The following SYT16 variants were observed in gnomAD, a reference collection of about 807,000 sequenced individuals.
The protein encoded by SYT16 is synaptotagmin-16.
A neutral mutation model predicts 61.4 loss-of-function variants in SYT16; 42 were observed. The observed-to-expected ratio is 0.68, with a 90% CI of 0.53 to 0.89. The LOEUF is 0.89. Ranked by LOEUF, SYT16 falls within the 40% of genes least tolerant of loss-of-function variation. SYT16 has a pLI of 0.00. For missense variants in SYT16, 804 were observed against 807.3 expected (o/e 1.00, Z 0.05); for synonymous variants, 314 against 302.3 (o/e 1.04, Z -0.40).
chr14:62,000,951 CAA>C (rs1257759914), intron 3 of SYT16, among the ~76,000 whole-genome samples: 1 of 151,728 alleles, frequency 6.6e-6, no homozygotes, highest in South Asian at 2.1e-4. Context: ...TAAAATAAGA[CAA>C]AAAAAGGCTG....
intron 1 of SYT16, among the ~76,000 whole-genome samples, chr14:61,968,882 G>A (rs1322499735): frequency 6.6e-6 from 1 of 152,176 alleles, no homozygotes; most frequent in Non-Finnish European, 1.5e-5. Context: ...TTCATGGTAT[G>A]TGTTGGTTTT....
At chr14:62,034,988 G>A (rs372168216) in intron 3 of SYT16, among the ~76,000 whole-genome samples, 11 of 152,280 alleles carry the variant, frequency 7.2e-5, no homozygotes, top group African/African-American at 2.4e-4. Context: ...GTCCTACCCC[G>A]AAAGCTTCTT....
intron 5 of SYT16, among the ~76,000 whole-genome samples, chr14:62,075,604 T>TA (rs376818967): frequency 0.041 from 2,500 of 61,038 alleles, 36 homozygotes; most frequent in African/African-American, 0.15. Flanking sequence ...GGATGAACGG[T>TA]AAAAAAAAAA....
intron 1 of SYT16, among the ~76,000 whole-genome samples, chr14:61,848,697 A>G (rs766787022): frequency 2.6e-5 from 4 of 152,172 alleles, no homozygotes; most frequent in South Asian, 2.1e-4. Context: ...AGGTCCAGAC[A>G]TGTTCTCTGG....
rs909286515 is a variant in SYT16 at position 61,908,565 on chromosome 14, C to T, written c.-324-61567C>T. ...GGAGAACACAGTTTTAATAAGTGGA[C>T]GGTTTTGTTTCCTAATTTTTCTTAA... On this transcript the variant is annotated intron_variant, in intron 1 of 7. Coordinates refer to ENST00000683842, the MANE Select transcript of SYT16 (RefSeq NM_001367656.1). Among the ~76,000 whole-genome samples, 11 of 152,082 alleles carry T rather than the reference C, an allele frequency of 7.2e-5. No individual in the cohort carries two copies. The South Asian group carries it at 1.2e-3, about 17-fold the overall frequency.
At chr14:62,087,171 GAGAA>G (rs1270949463) in intron 7 of SYT16, among the ~76,000 whole-genome samples, 1 of 152,234 alleles carries the variant, frequency 6.6e-6, no homozygotes, top group Non-Finnish European at 1.5e-5. Context: ...GAACAAGAGA[GAGAA>G]AGAATGAGGG....
chr14:62,064,267 AG>A (rs894879400), intron 3 of SYT16, among the ~76,000 whole-genome samples: 2 of 147,880 alleles, frequency 1.4e-5, no homozygotes, highest in Middle Eastern at 3.2e-3. Context: ...TTTAGTTGGT[AG>A]CATAGATACA....
intron 1 of SYT16, among the ~76,000 whole-genome samples, chr14:61,845,047 T>G (rs1018700545): frequency 0.054 from 7,168 of 132,594 alleles, 217 homozygotes; most frequent in Non-Finnish European, 0.07. Context: ...GACTTTTTTT[T>G]TTTTTTTTTT....
At chr14:61,952,958 C>A (rs1020142513) in intron 1 of SYT16, among the ~76,000 whole-genome samples, 2 of 152,092 alleles carry the variant, frequency 1.3e-5, no homozygotes, top group African/African-American at 4.8e-5. Flanking sequence ...GACTGAGTAT[C>A]TATGAATATT....
chr14:61,819,419 A>G (rs1291048602), intron 1 of SYT16, among the ~76,000 whole-genome samples: 3 of 152,224 alleles, frequency 2.0e-5, no homozygotes, highest in Non-Finnish European at 4.4e-5. Context: ...TCATCCTTCC[A>G]TTAAGGATTA....
At chr14:61,896,706 A>G (rs541544103) in intron 1 of SYT16, among the ~76,000 whole-genome samples, 100 of 152,352 alleles carry the variant, frequency 6.6e-4, no homozygotes, top group African/African-American at 2.2e-3. Context: ...ACCTTGTCAC[A>G]CTTTAAAAAA....
intron 1 of SYT16, among the ~76,000 whole-genome samples, chr14:61,816,815 T>G (rs999589733): frequency 4.0e-5 from 6 of 151,104 alleles, no homozygotes; most frequent in Non-Finnish European, 5.9e-5. Context: ...ATGAAGACCA[T>G]CCTGGCTAAC....
At chr14:62,012,065 T>A (rs2053491474) in intron 3 of SYT16, among the ~76,000 whole-genome samples, 1 of 151,920 alleles carries the variant, frequency 6.6e-6, no homozygotes, top group Admixed American at 6.6e-5. Flanking sequence ...TCTGTATTAG[T>A]TATCTATTCA....
intron 1 of SYT16, among the ~76,000 whole-genome samples, chr14:61,856,617 G>A (rs1482119999): frequency 6.6e-6 from 1 of 152,096 alleles, no homozygotes; most frequent in Non-Finnish European, 1.5e-5. Flanking sequence ...GATGAGTGGA[G>A]ATCAGGAATT....
intron 1 of SYT16, chr14:61,897,140 A>T (rs2048352259): frequency 6.6e-6 from 1 of 152,238 alleles, no homozygotes; most frequent in South Asian, 2.1e-4. Flanking sequence ...AACCATGCTT[A>T]CTTGTTTACG....
intron 1 of SYT16, among the ~76,000 whole-genome samples, chr14:61,927,541 A>AT (rs529114817): frequency 3.9e-5 from 6 of 152,232 alleles, no homozygotes; most frequent in African/African-American, 9.6e-5. Flanking sequence ...CAGGATGATA[A>AT]TTTTTTTTCC....
intron 1 of SYT16, among the ~76,000 whole-genome samples, chr14:61,853,183 T>A (rs936626969): frequency 1.3e-5 from 2 of 152,230 alleles, no homozygotes; most frequent in African/African-American, 4.8e-5. Flanking sequence ...CCTCCCAAAG[T>A]GCTGGGATTA....
At chr14:61,997,007 A>AGAT (rs1358002764) in intron 3 of SYT16, among the ~76,000 whole-genome samples, 1 of 152,100 alleles carries the variant, frequency 6.6e-6, no homozygotes, top group Non-Finnish European at 1.5e-5. Context: ...ACGTGATGTG[A>AGAT]GATGACAGTG....
chr14:62,013,753 C>A (rs1452781173), intron 3 of SYT16, among the ~76,000 whole-genome samples: 1 of 152,138 alleles, frequency 6.6e-6, no homozygotes, highest in Non-Finnish European at 1.5e-5. Flanking sequence ...ATCATGAGGT[C>A]AGGTGTTCAA....
Sources: gnomAD v4.1 joint callset for allele counts (sites outside exome capture counted in the v4.1 genomes callset) on GRCh38, gnomAD v4.1.1 for gene constraint, MANE v1.5 for transcripts, NCBI Gene and HGNC (gene_info 2026-07-23, HGNC 2026-07-21) for gene names.